Variants in KDM3B observed in about 807,000 individuals in gnomAD.
The protein encoded by KDM3B is lysine-specific demethylase 3B.
A neutral mutation model predicts 170.0 loss-of-function variants in KDM3B; 10 were observed. The ratio of observed to expected loss-of-function variants is 0.06; its 90% CI spans 0.04 to 0.10. KDM3B has a LOEUF of 0.10. Among genes scored for constraint, KDM3B ranks in the 10% least tolerant of loss-of-function variants. The pLI, the probability that KDM3B is intolerant of heterozygous loss-of-function variation, is 1.00. For missense variants in KDM3B, 1,394 were observed against 2,195.2 expected (o/e 0.64, Z 7.29); for synonymous variants, 831 against 834.8 (o/e 1.00, Z 0.08).
intron 7 of KDM3B, among the ~76,000 whole-genome samples, chr5:138,390,749 A>C (rs762315467): frequency 1.3e-5 from 2 of 152,208 alleles, no homozygotes; most frequent in Admixed American, 6.5e-5. Context: ...GACCAATTGG[A>C]TAACAACCAA....
Position 138,352,811 on chromosome 5 carries a change from GCCTCCC to G in KDM3B, c.18_23del (p.Ser7_Pro8del). The stretch of plus-strand genomic sequence containing the variant: ...GGCCCCGGCGATGGCGGACGCGGCG[GCCTCCC>G]CGGTGGGCAAGCGGCTGCTGCTGCT... On this transcript the variant is annotated inframe_deletion, in exon 1 of 24. Coordinates refer to ENST00000314358, the MANE Select transcript of KDM3B (RefSeq NM_016604.4). 7.6e-7 allele frequency: 1 copy of G among 1,313,200 alleles called. No individual in the cohort carries two copies. The highest frequency in any genetic ancestry group is 1.9e-5 in the South Asian group (1 of 52,356). 81.3% of individuals were successfully genotyped at this position (1,313,200 alleles called of 1,614,324 possible).
chr5:138,432,721 C>T (rs1393610504), intron 23 of KDM3B, among the ~76,000 whole-genome samples: 2 of 152,124 alleles, frequency 1.3e-5, no homozygotes, highest in African/African-American at 4.8e-5. Context: ...ACTGTGGCCT[C>T]TTTTCTTCTG....
chr5:138,412,639 G>A (rs1763002134), intron 11 of KDM3B, among the ~76,000 whole-genome samples: 1 of 152,106 alleles, frequency 6.6e-6, no homozygotes, highest in South Asian at 2.1e-4. Context: ...GGGTGACAGA[G>A]TGAGACCCTG....
At position 138,427,185 on chromosome 5, in the gene KDM3B, A is replaced by G. The variant is rs768253179; in HGVS notation, c.4503-4A>G. 1 of 1,610,644 alleles carries G rather than the reference A, an allele frequency of 6.2e-7. No individual in the cohort carries two copies. Among genetic ancestry groups the G allele is most frequent in the East Asian group, 2.2e-5 (1 of 44,738 alleles). On this transcript the variant is annotated splice_polypyrimidine_tract_variant and splice_region_variant and intron_variant, in intron 18 of 23. Coordinates refer to ENST00000314358, the MANE Select transcript of KDM3B (RefSeq NM_016604.4). ...GCTAAGTCATCTTTCCTGCACTTTT[A>G]TAGGTTTGAAGATCTGATGGAGAAC...
chr5:138,392,236 C>A lies in KDM3B; in HGVS notation c.2604C>A (p.Gly868=), dbSNP rs1464626118. 1.3e-6 allele frequency: 2 copies of A among 1,502,036 alleles called. No individual in the cohort carries two copies. Among genetic ancestry groups the A allele is most frequent in the East Asian group, 2.3e-5 (1 of 43,670 alleles). The allele number at this position is 1,502,036 out of a possible 1,614,324, so 93.0% of individuals were successfully genotyped here. The change falls in exon 8 of 24, where the codon GGC becomes GGA. Residue 868 remains glycine, a synonymous_variant. Coordinates refer to ENST00000314358, the MANE Select transcript of KDM3B (RefSeq NM_016604.4). ...GKSKGKQAPK[G]RPRTAPLKVG... The stretch of plus-strand genomic sequence containing the variant: ...GCAAAGGGAAGCAGGCCCCCAAGGG[C>A]CGGCCTCGGACTGCCCCCCTGAAAG...
chr5:138,405,973 A>T (rs913675042), intron 11 of KDM3B, among the ~76,000 whole-genome samples: 2 of 152,238 alleles, frequency 1.3e-5, no homozygotes, highest in Non-Finnish European at 2.9e-5. Flanking sequence ...TATAGCTAGT[A>T]AGTCCAAAAT....
At chr5:138,385,809 T>G (rs1203740365) in intron 6 of KDM3B, among the ~76,000 whole-genome samples, 3 of 152,232 alleles carry the variant, frequency 2.0e-5, no homozygotes, top group Non-Finnish European at 4.4e-5. Flanking sequence ...CCAAGTGAGT[T>G]AACCTCTAGT....
chr5:138,415,191 T>A lies in KDM3B; in HGVS notation c.3259T>A (p.Ser1087Thr). The change falls in exon 12 of 24, where the codon TCC (serine) becomes ACC (threonine). Residue 1087 changes from serine (S) to threonine (T), a missense_variant. By Grantham distance (58) the Ser-to-Thr change is moderately conservative (BLOSUM62 1). Transcript: ENST00000314358. The part of the protein sequence containing the change: ...FSWLKCAKGQ[S>T]HEPENLMPTQ... The stretch of plus-strand genomic sequence containing the variant: ...CTGGTTGAAGTGTGCAAAGGGACAG[T>A]CCCACGAACCAGAGAATCTCATGCC... The A allele has an allele frequency of 1.2e-6, 2 of 1,610,588 alleles. No individual in the cohort carries two copies. Among genetic ancestry groups the A allele is most frequent in the African/African-American group, 2.7e-5 (2 of 74,992 alleles).
chr5:138,365,481 C>A (rs567109501), intron 1 of KDM3B, among the ~76,000 whole-genome samples: 4 of 151,882 alleles, frequency 2.6e-5, no homozygotes, highest in Non-Finnish European at 5.9e-5. Flanking sequence ...TGGTCTCAAA[C>A]TCCTGACCTC....
intron 9 of KDM3B, among the ~76,000 whole-genome samples, chr5:138,396,961 G>A (rs958132971): frequency 2.0e-5 from 3 of 152,142 alleles, no homozygotes; most frequent in Non-Finnish European, 2.9e-5. Context: ...CGAGGTGGGC[G>A]GATCGCTTAA....
chr5:138,428,205 GTTTT>G, intron 20 of KDM3B, 119 bp downstream of exon 20: 1 of 766,144 alleles, frequency 1.3e-6, no homozygotes, highest in Non-Finnish European at 1.9e-6. Flanking sequence ...TCTTTTTTCT[GTTTT>G]TTTTTTTGGG....
chr5:138,408,225 C>G (rs1349232826), intron 11 of KDM3B, among the ~76,000 whole-genome samples: 1 of 152,030 alleles, frequency 6.6e-6, no homozygotes, highest in Non-Finnish European at 1.5e-5. Context: ...ATCTGTAATC[C>G]CTATGTAAAT....
At chr5:138,381,849 T>A in intron 6 of KDM3B, 1 of 404,104 alleles carries the variant, frequency 2.5e-6, no homozygotes. Context: ...TCTTCCTATA[T>A]TCTGTCAGGA....
At chr5:138,395,447 A>G (rs1033611039) in intron 9 of KDM3B, among the ~76,000 whole-genome samples, 2 of 152,190 alleles carry the variant, frequency 1.3e-5, no homozygotes, top group Non-Finnish European at 2.9e-5. Context: ...ATTTCCAGGA[A>G]GGAATAATGA....
rs1281040007 is a variant in KDM3B at position 138,352,731 on chromosome 5, G to T, written c.-65G>T. 5 of 1,170,624 alleles carry T rather than the reference G, an allele frequency of 4.3e-6. No individual in the cohort carries two copies. The highest frequency in any genetic ancestry group is 4.2e-6 in the Non-Finnish European group (4 of 947,050). The allele number at this position is 1,170,624 out of a possible 1,614,324, so 72.5% of individuals were successfully genotyped here. A position where few individuals can be genotyped will look rare whatever the true frequency, so the allele number is the denominator to read the frequency against. On this transcript the variant is annotated 5_prime_UTR_variant, in exon 1 of 24. Transcript: ENST00000314358. ...CGGAGGGAGGCCTTGCGGGCGGATC[G>T]GGCGCTTGGCGGCGGAGGTGGTGGG...
chr5:138,430,751 A>G (rs2286057), intron 22 of KDM3B, among the ~76,000 whole-genome samples: 91,146 of 151,956 alleles, frequency 0.6, 27,681 homozygotes, highest in East Asian at 0.85. Flanking sequence ...TTAGGCAGGC[A>G]TGGTGGCACA....
At chr5:138,387,518 A>G (rs1731572772) in intron 7 of KDM3B, among the ~76,000 whole-genome samples, 2 of 152,220 alleles carry the variant, frequency 1.3e-5, no homozygotes, top group Admixed American at 6.5e-5. Context: ...ACATCCTAAA[A>G]CGGAATCATT....
chr5:138,368,614 G>C (rs1761803391), intron 1 of KDM3B, among the ~76,000 whole-genome samples: 1 of 151,882 alleles, frequency 6.6e-6, no homozygotes, highest in South Asian at 2.1e-4. Flanking sequence ...TACAGTCCTG[G>C]GCCAGAAATA....
chr5:138,374,209 G>A (rs1335436836), intron 2 of KDM3B: 6 of 389,156 alleles, frequency 1.5e-5, no homozygotes, highest in Non-Finnish European at 2.6e-5. Context: ...GTCCAGGCTG[G>A]TCTTGAACTC....
Sources: gnomAD v4.1 joint callset for allele counts (sites outside exome capture counted in the v4.1 genomes callset) on GRCh38, gnomAD v4.1.1 for gene constraint, MANE v1.5 for transcripts, NCBI Gene and HGNC (gene_info 2026-07-23, HGNC 2026-07-21) for gene names.